Variants in WDR70 observed in about 807,000 individuals in gnomAD.
WDR70 encodes WD repeat domain 70, also known as WD repeat-containing protein 70.
In WDR70, 53 loss-of-function variants were observed where a neutral mutation model predicts 88.6. The observed-to-expected ratio is 0.60, with a 90% CI of 0.48 to 0.75. The LOEUF (loss-of-function observed/expected upper bound fraction) is 0.75. Among genes scored for constraint, WDR70 ranks in the 30% least tolerant of loss-of-function variants. WDR70 has a pLI of 0.00. For missense variants in WDR70, 610 were observed against 823.2 expected (o/e 0.74, Z 3.17); for synonymous variants, 280 against 270.0 (o/e 1.04, Z -0.36).
At chr5:37,445,165 T>C (rs1260636237) in intron 7 of WDR70, among the ~76,000 whole-genome samples, 1 of 152,218 alleles carries the variant, frequency 6.6e-6, no homozygotes, top group East Asian at 1.9e-4. Flanking sequence ...ATGGCATGTA[T>C]TGTCTAGCTG....
chr5:37,640,220 T>C (rs1227424439), intron 10 of WDR70, among the ~76,000 whole-genome samples: 1 of 152,206 alleles, frequency 6.6e-6, no homozygotes, highest in Non-Finnish European at 1.5e-5. Flanking sequence ...TTTGTCTTTA[T>C]TAAGAGCAAA....
intron 9 of WDR70, among the ~76,000 whole-genome samples, chr5:37,551,768 GTTTTT>G (rs1176757597): frequency 1.1e-5 from 1 of 92,726 alleles, no homozygotes; most frequent in African/African-American, 4.2e-5. Context: ...TCATTGTTTA[GTTTTT>G]TTTTTTTTTT....
intron 7 of WDR70, among the ~76,000 whole-genome samples, chr5:37,475,844 T>TA (rs113683288): frequency 0.041 from 17 of 410 alleles, no homozygotes; most frequent in Non-Finnish European, 0.13. Flanking sequence ...GCATTACATA[T>TA]TTTTTTTTTT....
chr5:37,523,962 A>G (rs1396126472), intron 9 of WDR70, among the ~76,000 whole-genome samples: 1 of 152,258 alleles, frequency 6.6e-6, no homozygotes, highest in Non-Finnish European at 1.5e-5. Context: ...CAAAGCCGCT[A>G]AGAAATATGG....
At chr5:37,505,228 A>C (rs1419027940) in intron 8 of WDR70, among the ~76,000 whole-genome samples, 1 of 152,180 alleles carries the variant, frequency 6.6e-6, no homozygotes, top group African/African-American at 2.4e-5. Context: ...ATCTGGATTT[A>C]ATATCGATTT....
At chr5:37,416,874 C>T (rs1161876515) in intron 5 of WDR70, among the ~76,000 whole-genome samples, 3 of 152,144 alleles carry the variant, frequency 2.0e-5, no homozygotes, top group African/African-American at 7.2e-5. Context: ...CGTGCCCAGC[C>T]ACAGTTACTC....
intron 10 of WDR70, among the ~76,000 whole-genome samples, chr5:37,640,886 G>A (rs747766211): frequency 4.6e-5 from 7 of 152,152 alleles, no homozygotes; most frequent in Non-Finnish European, 7.4e-5. Flanking sequence ...TTTGGGTAGC[G>A]TCCTTAAATT....
At chr5:37,592,568 G>A (rs951823647) in intron 9 of WDR70, among the ~76,000 whole-genome samples, 1 of 152,240 alleles carries the variant, frequency 6.6e-6, no homozygotes, top group African/African-American at 2.4e-5. Flanking sequence ...AATGAACTGT[G>A]TGTTGTGTAC....
Position 37,652,420 on chromosome 5 carries a change from G to A in WDR70, c.1093-45235G>A, listed in dbSNP as rs187609158. Among the ~76,000 whole-genome samples the A allele has an allele frequency of 1.7e-3, 255 of 152,230 alleles. 1 individual carries two copies. Among genetic ancestry groups the A allele is most frequent in the African/African-American group, 5.8e-3 (243 of 41,548 alleles). ...TTGCTTAGGATTGCCTTGGCTATGT[G>A]GGCTCTTTTTTTGGTTCCATATGAA... is the stretch of plus-strand genomic sequence containing the variant. On this transcript the variant is annotated intron_variant, in intron 10 of 17. Transcript: ENST00000265107.
At chr5:37,686,340 T>C (rs1412674543) in intron 10 of WDR70, among the ~76,000 whole-genome samples, 2 of 151,926 alleles carry the variant, frequency 1.3e-5, no homozygotes, top group African/African-American at 2.4e-5. Context: ...AAAGACTTTA[T>C]GGAAGACAGA....
intron 9 of WDR70, among the ~76,000 whole-genome samples, chr5:37,536,362 G>T (rs546411217): frequency 2.6e-5 from 4 of 152,014 alleles, no homozygotes; most frequent in South Asian, 4.2e-4. Flanking sequence ...TGTTGGATTT[G>T]GCACATAACA....
At chr5:37,625,069 A>G (rs1036539240) in intron 10 of WDR70, among the ~76,000 whole-genome samples, 4 of 152,168 alleles carry the variant, frequency 2.6e-5, no homozygotes, top group Admixed American at 2.0e-4. Flanking sequence ...TCTAGTTTCT[A>G]TGGCTAGCTT....
chr5:37,742,807 T>A (rs1320469976), intron 17 of WDR70, among the ~76,000 whole-genome samples: 1 of 152,202 alleles, frequency 6.6e-6, no homozygotes, highest in East Asian at 1.9e-4. Flanking sequence ...ACACCAGGTG[T>A]TGATGGGAGC....
chr5:37,735,840 G>A (rs1237456875), intron 17 of WDR70, among the ~76,000 whole-genome samples: 3 of 152,030 alleles, frequency 2.0e-5, no homozygotes, highest in Non-Finnish European at 4.4e-5. Context: ...ACCATATCTC[G>A]CTTTATCACA....
chr5:37,408,277 G>A (rs1423363332), intron 5 of WDR70, among the ~76,000 whole-genome samples: 2 of 152,068 alleles, frequency 1.3e-5, no homozygotes, highest in African/African-American at 4.8e-5. Context: ...TTTGAGACCA[G>A]CCTGGCCAAC....
intron 9 of WDR70, among the ~76,000 whole-genome samples, chr5:37,538,857 A>G (rs960993053): frequency 2.0e-5 from 3 of 152,224 alleles, no homozygotes; most frequent in African/African-American, 7.2e-5. Flanking sequence ...ATGCTTACTT[A>G]TCCAAAGGAA....
chr5:37,501,586 A>G (rs1589115), intron 8 of WDR70, among the ~76,000 whole-genome samples: 147,966 of 152,288 alleles, frequency 0.97, 72,041 homozygotes, highest in Non-Finnish European at 1. Context: ...ATTCCGGGCC[A>G]TGGTTTGGAC....
chr5:37,413,278 CTT>C (rs1434071724), intron 5 of WDR70, among the ~76,000 whole-genome samples: 11 of 152,090 alleles, frequency 7.2e-5, no homozygotes, highest in Non-Finnish European at 1.0e-4. Context: ...AAAAAAGAAT[CTT>C]TTATAAATAA....
At chr5:37,523,681 C>T (rs182563455) in intron 9 of WDR70, among the ~76,000 whole-genome samples, 78 of 152,196 alleles carry the variant, frequency 5.1e-4, no homozygotes, top group Non-Finnish European at 8.2e-4. Context: ...CAAACTTCTC[C>T]GAGTTAAAGG....
Sources: gnomAD v4.1 joint callset for allele counts (sites outside exome capture counted in the v4.1 genomes callset) on GRCh38, gnomAD v4.1.1 for gene constraint, MANE v1.5 for transcripts, NCBI Gene and HGNC (gene_info 2026-07-23, HGNC 2026-07-21) for gene names.